Variants in CUBN observed in about 807,000 individuals in gnomAD.
The protein encoded by CUBN is 460 kDa receptor.
In CUBN, 282 loss-of-function variants were observed where a neutral mutation model predicts 405.3. The ratio of observed to expected loss-of-function variants is 0.70; its 90% CI spans 0.63 to 0.77. CUBN has a LOEUF of 0.77. CUBN is among the 30% of genes least tolerant of loss of function. The probability of loss-of-function intolerance (pLI) is 0.00; values close to 1 mark genes in which losing one functional copy is unlikely to be tolerated. For synonymous variants in CUBN, 1,684 were observed against 1,617.0 expected, an observed-to-expected ratio of 1.04 and a Z score of -0.99; for missense variants, 4,514 against 4,475.2, an observed-to-expected ratio of 1.01 and a Z score of -0.25.
chr10:17,054,489 T>C (rs1049141815), intron 22 of CUBN, among the ~76,000 whole-genome samples: 4 of 151,900 alleles, frequency 2.6e-5, no homozygotes, highest in African/African-American at 9.7e-5. Context: ...ATCAATTAAA[T>C]GGAAAATGCA....
rs370049751 is a variant in CUBN at position 16,869,855 on chromosome 10, T to C, written c.9237-2A>G. The C allele has an allele frequency of 6.3e-7, 1 of 1,594,514 alleles. No individual in the cohort carries two copies. Among genetic ancestry groups the C allele is most frequent in the Non-Finnish European group, 8.6e-7 (1 of 1,162,164 alleles). On this transcript the variant is annotated splice_acceptor_variant, in intron 58 of 66. Transcript: ENST00000377833. LOFTEE classifies it high-confidence loss of function. ...GGAACCACATCAAAATCACTGAACCTGTGAAATGTACCTTGTTAATACTGA... is the reference window on the plus strand; with the variant it reads ...GGAACCACATCAAAATCACTGAACCCGTGAAATGTACCTTGTTAATACTGA...
intron 44 of CUBN, 52 bp from the exon 45 acceptor site, chr10:16,918,852 G>T: frequency 2.0e-6 from 3 of 1,479,418 alleles, no homozygotes; most frequent in South Asian, 1.2e-5. Flanking sequence ...TGCTTATTTT[G>T]ATAATGACAA....
At chr10:16,968,498 G>T (rs1253259733) in intron 31 of CUBN, among the ~76,000 whole-genome samples, 1 of 152,142 alleles carries the variant, frequency 6.6e-6, no homozygotes, top group Non-Finnish European at 1.5e-5. Context: ...ACCATGGTCG[G>T]CTTGCTTTGA....
At chr10:17,005,551 C>T (rs1296846258) in intron 28 of CUBN, among the ~76,000 whole-genome samples, 2 of 152,180 alleles carry the variant, frequency 1.3e-5, no homozygotes, top group African/African-American at 2.4e-5. Flanking sequence ...AAAAGCCTTC[C>T]TCTCCCAGAT....
chr10:17,036,585 A>T (rs1157891480), intron 27 of CUBN, among the ~76,000 whole-genome samples: 1 of 152,108 alleles, frequency 6.6e-6, no homozygotes, highest in Non-Finnish European at 1.5e-5. Context: ...CCAGACAAGG[A>T]GAACCAGCAG....
chr10:16,960,775 C>T (rs1191898443), intron 31 of CUBN, among the ~76,000 whole-genome samples: 5 of 152,064 alleles, frequency 3.3e-5, no homozygotes, highest in Admixed American at 6.5e-5. Flanking sequence ...CACAGGGGGA[C>T]GGAGGTCAGC....
chr10:17,014,857 G>C (rs971592573), intron 28 of CUBN, among the ~76,000 whole-genome samples: 4 of 152,212 alleles, frequency 2.6e-5, no homozygotes, highest in Non-Finnish European at 4.4e-5. Context: ...GGGACGTGTG[G>C]TCTGTGGTAT....
At chr10:17,035,856 G>A (rs1403191572) in intron 27 of CUBN, among the ~76,000 whole-genome samples, 1 of 151,424 alleles carries the variant, frequency 6.6e-6, no homozygotes, top group Non-Finnish European at 1.5e-5. Flanking sequence ...GGTGGGAGGA[G>A]GGAGAGGATC....
intron 54 of CUBN, among the ~76,000 whole-genome samples, chr10:16,898,371 T>C (rs1588630092): frequency 6.6e-6 from 1 of 152,046 alleles, no homozygotes. Flanking sequence ...ATGCAGGTGG[T>C]AGGTATGACA....
intron 48 of CUBN, among the ~76,000 whole-genome samples, chr10:16,912,429 T>C (rs1448117245): frequency 6.6e-6 from 1 of 152,118 alleles, no homozygotes; most frequent in Non-Finnish European, 1.5e-5. Context: ...CTCAAGGAGC[T>C]CACATTCTAG....
At chr10:16,849,997 T>C (rs1451847581) in intron 60 of CUBN, among the ~76,000 whole-genome samples, 2 of 152,240 alleles carry the variant, frequency 1.3e-5, no homozygotes, top group Non-Finnish European at 1.5e-5. Flanking sequence ...TTAGCACTAT[T>C]CTGCTTCAAC....
rs183227223 is a variant in CUBN at position 17,046,476 on chromosome 10, G to A, written c.3330-382C>T. ...TGTATTTTACAGAGAATCTTTCAAC[G>A]TTTTCCTTCTGATTTGGAAATTTTT... On this transcript the variant is annotated intron_variant, in intron 23 of 66. Coordinates refer to ENST00000377833, the MANE Select transcript of CUBN (RefSeq NM_001081.4). Among the ~76,000 whole-genome samples the A allele has an allele frequency of 1.6e-4, 24 of 152,066 alleles. No individual in the cohort carries two copies. The East Asian group carries it at 2.9e-3, about 18-fold the overall frequency.
At chr10:16,896,336 C>A (rs1245495961) in intron 54 of CUBN, among the ~76,000 whole-genome samples, 1 of 152,142 alleles carries the variant, frequency 6.6e-6, no homozygotes. Flanking sequence ...GTTTGACCAT[C>A]TTTAATGGTA....
intron 56 of CUBN, among the ~76,000 whole-genome samples, chr10:16,884,062 C>G (rs1840739010): frequency 6.6e-6 from 1 of 152,206 alleles, no homozygotes; most frequent in African/African-American, 2.4e-5. Flanking sequence ...TCACTGCAAG[C>G]TCCGCCTCCC....
rs781173282 is a variant in CUBN at position 17,088,144 on chromosome 10, A to C, written c.1947+20T>G. ...TCCTAATCATATTGTGATATGTTCT[A>C]TCTAAATATAATTATTTACCTCAAG... On this transcript the variant is annotated intron_variant, in intron 15 of 66. Transcript: ENST00000377833. The C allele has an allele frequency of 1.3e-6, 2 of 1,592,122 alleles. No individual in the cohort carries two copies. Among genetic ancestry groups the C allele is most frequent in the Non-Finnish European group, 1.7e-6 (2 of 1,160,554 alleles).
At chr10:17,083,583 G>A (rs1212012126) in intron 17 of CUBN, among the ~76,000 whole-genome samples, 3 of 147,344 alleles carry the variant, frequency 2.0e-5, no homozygotes, top group African/African-American at 7.5e-5. Context: ...CTTCAACTAA[G>A]TCTAGCTAGA....
intron 14 of CUBN, among the ~76,000 whole-genome samples, chr10:17,097,067 G>A (rs1203718735): frequency 6.6e-6 from 1 of 151,966 alleles, no homozygotes; most frequent in Admixed American, 6.6e-5. Context: ...TACATTAGGT[G>A]CAAAATAACA....
rs771979644 is a variant in CUBN, at chr10:16,915,104, C to G, written c.7279G>C (p.Val2427Leu). Residue 2427 changes from valine (V) to leucine (L), a missense_variant, in exon 47 of 67, where the codon GTG (valine) becomes CTG (leucine). Transcript: ENST00000377833. ...DSIDTSSNTA[V>L]VRFVTDGSVT... ...GAGCCGTCTGTGACAAACCTGACCACAGCAGTATTGCTAGAAGTGTCTATG... is the reference window on the plus strand; with the variant it reads ...GAGCCGTCTGTGACAAACCTGACCAGAGCAGTATTGCTAGAAGTGTCTATG... The G allele has an allele frequency of 1.2e-6, 2 of 1,614,132 alleles. No individual in the cohort carries two copies. The highest frequency in any genetic ancestry group is 1.7e-5 in the Admixed American group (1 of 60,020).
intron 31 of CUBN, among the ~76,000 whole-genome samples, chr10:16,981,166 C>G (rs1326039674): frequency 6.9e-6 from 1 of 144,846 alleles, no homozygotes; most frequent in African/African-American, 2.8e-5. Flanking sequence ...ACTCCAAGCC[C>G]CAGACTCAGC....
Sources: gnomAD v4.1 joint callset for allele counts (sites outside exome capture counted in the v4.1 genomes callset) on GRCh38, gnomAD v4.1.1 for gene constraint, MANE v1.5 for transcripts, NCBI Gene and HGNC (gene_info 2026-07-23, HGNC 2026-07-21) for gene names.